Variants in NAALAD2 observed in about 807,000 individuals in gnomAD.
NAALAD2 encodes the protein N-acetylated-alpha-linked acidic dipeptidase 2.
A neutral mutation model predicts 95.6 loss-of-function variants in NAALAD2; 89 were observed. The ratio of observed to expected loss-of-function variants is 0.93; its 90% CI spans 0.78 to 1.11. The LOEUF (loss-of-function observed/expected upper bound fraction) is 1.11, where lower values mean the gene tolerates loss of function less well. Ranked by LOEUF, NAALAD2 falls within the 50% of genes least tolerant of loss-of-function variation. The pLI, the probability that NAALAD2 is intolerant of heterozygous loss-of-function variation, is 0.00. For synonymous variants in NAALAD2, 264 were observed against 294.4 expected, an observed-to-expected ratio of 0.90 and a Z score of 1.06; for missense variants, 894 against 872.4, an observed-to-expected ratio of 1.02 and a Z score of -0.31.
Position 90,152,289 on chromosome 11 carries a change from C to T in NAALAD2, c.610-9C>T, listed in dbSNP as rs372480635. Reference sequence around the variant, plus strand: ...TATCTGCATTATGAATTGCACATTGCCCCTGCAGGTTAAAAATGCCATGTT... The same window carrying T: ...TATCTGCATTATGAATTGCACATTGTCCCTGCAGGTTAAAAATGCCATGTT... On this transcript the variant is annotated splice_polypyrimidine_tract_variant and intron_variant, in intron 5 of 18. Coordinates refer to ENST00000534061, the MANE Select transcript of NAALAD2 (RefSeq NM_005467.4). 5 of 1,582,092 alleles carry T rather than the reference C, an allele frequency of 3.2e-6. No individual in the cohort carries two copies. Among genetic ancestry groups the T allele is most frequent in the East Asian group, 2.3e-5 (1 of 44,288 alleles).
chr11:90,135,283 G>C, intron 1 of NAALAD2: 1 of 335,716 alleles, frequency 3.0e-6, no homozygotes, highest in Non-Finnish European at 5.4e-6. Flanking sequence ...GAGATCCAGG[G>C]AAGAACAACA....
chr11:90,159,200 T>A (rs1353231144), intron 7 of NAALAD2, 39 bp from the exon 8 acceptor site: 2 of 1,425,642 alleles, frequency 1.4e-6, no homozygotes, highest in Non-Finnish European at 2.0e-6. Flanking sequence ...TTAGAAATTG[T>A]GGTAGCCTTT....
intron 8 of NAALAD2, chr11:90,162,432 A>C (rs910703425): frequency 2.0e-5 from 3 of 152,114 alleles, no homozygotes; most frequent in African/African-American, 7.2e-5. Context: ...GGTGGCACTC[A>C]ACCAGCTCTT....
rs1951856943 is a variant in NAALAD2, at chr11:90,150,425, TTG to T, written c.484-55_484-54del. ...TAGTATTGTGAAGCAAACTTATTTTTTGTTTTTTTTTTTCTTTAATTTTAGCA... is the reference window on the plus strand; with the variant it reads ...TAGTATTGTGAAGCAAACTTATTTTTTTTTTTTTTTTCTTTAATTTTAGCA... On this transcript the variant is annotated intron_variant, in intron 4 of 18. Transcript: ENST00000534061. 3.4e-5 allele frequency: 41 copies of T among 1,212,666 alleles called. No homozygotes were observed. In the South Asian group the frequency reaches 6.0e-4, roughly 18 times the overall value. The allele number at this position is 1,212,666 out of a possible 1,614,324, so 75.1% of individuals were successfully genotyped here.
intron 3 of NAALAD2, 124 bp downstream of exon 3, chr11:90,147,640 C>T (rs757481833): frequency 3.5e-6 from 3 of 868,094 alleles, no homozygotes; most frequent in Non-Finnish European, 3.5e-6. Flanking sequence ...ACTATGTGTT[C>T]GACATGGTGT....
chr11:90,155,352 T>TAATATA (rs1212176223), intron 6 of NAALAD2, among the ~76,000 whole-genome samples: 2,898 of 105,696 alleles, frequency 0.027, 86 homozygotes, highest in East Asian at 0.076. Flanking sequence ...ATATTATATA[T>TAATATA]TACATGTATA....
At chr11:90,179,609 TAAG>T (rs1291051693) in intron 16 of NAALAD2, among the ~76,000 whole-genome samples, 3 of 152,006 alleles carry the variant, frequency 2.0e-5, no homozygotes, top group Non-Finnish European at 2.9e-5. Context: ...ATGGGGGAAA[TAAG>T]GAGAGATAAA....
intron 4 of NAALAD2, 35 bp from the exon 5 acceptor site, chr11:90,150,447 T>A: frequency 7.4e-7 from 1 of 1,359,100 alleles, no homozygotes; most frequent in Non-Finnish European, 1.0e-6. Context: ...TTCTTTAATT[T>A]TAGCAGTATT....
intron 11 of NAALAD2, 108 bp from the exon 12 acceptor site, chr11:90,168,821 G>C: frequency 1.2e-6 from 1 of 853,512 alleles, no homozygotes; most frequent in Non-Finnish European, 1.9e-6. Context: ...CTATTTAATT[G>C]TGAAAGATAC....
chr11:90,192,649 G>A lies in NAALAD2; in HGVS notation c.*902G>A, dbSNP rs942747509. On this transcript the variant is annotated 3_prime_UTR_variant, in exon 19 of 19. Coordinates refer to ENST00000534061, the MANE Select transcript of NAALAD2 (RefSeq NM_005467.4). ...ACCAGAATCATATACCTTCTCTTGTGAAATCACCATGAAGTGTGAATGGTC... is the reference window on the plus strand; with the variant it reads ...ACCAGAATCATATACCTTCTCTTGTAAAATCACCATGAAGTGTGAATGGTC... 2 of 151,980 alleles carry A rather than the reference G, an allele frequency of 1.3e-5. No individual in the cohort carries two copies. Among genetic ancestry groups the A allele is most frequent in the African/African-American group, 4.8e-5 (2 of 41,426 alleles). 9.4% of individuals were successfully genotyped at this position (151,980 alleles called of 1,614,324 possible).
chr11:90,181,155 T>C (rs1434474243), intron 16 of NAALAD2, among the ~76,000 whole-genome samples: 1 of 152,126 alleles, frequency 6.6e-6, no homozygotes, highest in Non-Finnish European at 1.5e-5. Context: ...ATCCTCTTTC[T>C]CAGTATCTGG....
intron 12 of NAALAD2, 36 bp downstream of exon 12, chr11:90,169,028 A>G: frequency 6.6e-7 from 1 of 1,505,178 alleles, no homozygotes; most frequent in Non-Finnish European, 9.1e-7. Flanking sequence ...AAATTTTCAG[A>G]AAGGAAATTT....
chr11:90,179,214 T>G (rs2134975773), intron 16 of NAALAD2, among the ~76,000 whole-genome samples: 1 of 152,316 alleles, frequency 6.6e-6, no homozygotes, highest in Non-Finnish European at 1.5e-5. Flanking sequence ...CTTTTATTAT[T>G]CTGGGGGCAC....
intron 17 of NAALAD2, among the ~76,000 whole-genome samples, 197 bp from the exon 18 acceptor site, chr11:90,182,719 T>C (rs1953009552): frequency 6.6e-6 from 1 of 152,178 alleles, no homozygotes; most frequent in Non-Finnish European, 1.5e-5. Flanking sequence ...TAGGTCTCTC[T>C]GCTGACTGTA....
At chr11:90,184,870 AAATG>A (rs1201136695) in intron 18 of NAALAD2, among the ~76,000 whole-genome samples, 3 of 152,186 alleles carry the variant, frequency 2.0e-5, no homozygotes, top group African/African-American at 7.2e-5. Context: ...TTTGAAAAAA[AAATG>A]AATGGTTGTG....
chr11:90,152,558 C>A, intron 6 of NAALAD2, 74 bp downstream of exon 6: 1 of 1,179,790 alleles, frequency 8.5e-7, no homozygotes, highest in South Asian at 1.7e-5. Flanking sequence ...TACAAGCAAG[C>A]ATGTTCAGAA....
In NAALAD2 at chr11:90,158,233, A is replaced by T; in HGVS notation, c.885A>T (p.Leu295Phe). 1 of 1,603,082 alleles carries T rather than the reference A, an allele frequency of 6.2e-7. No homozygotes were observed. Among genetic ancestry groups the T allele is most frequent in the Middle Eastern group, 1.7e-4 (1 of 6,038 alleles). Residue 295 changes from leucine (L) to phenylalanine (F), a missense_variant, in exon 7 of 19, where the codon TTA becomes TTT. Physicochemically the swap from Leu to Phe is conservative, Grantham distance 22. Coordinates refer to ENST00000534061, the MANE Select transcript of NAALAD2 (RefSeq NM_005467.4). ...HPIGYNDAEILLRYLGGIAPP... is the reference protein window; with the variant it reads ...HPIGYNDAEIFLRYLGGIAPP... ...TTGGATATAATGATGCAGAAATATT[A>T]TTACGGTATAGTTTTCTTGTTGGAT...
chr11:90,137,452 G>A (rs1003032950), intron 2 of NAALAD2, among the ~76,000 whole-genome samples: 2 of 152,176 alleles, frequency 1.3e-5, no homozygotes, highest in African/African-American at 2.4e-5. Flanking sequence ...TTGTATGCTT[G>A]TATCAAGATA....
chr11:90,162,862 A>T lies in NAALAD2; in HGVS notation c.990-87A>T, dbSNP rs928896660. The T allele has an allele frequency of 1.4e-5, 10 of 728,812 alleles. No homozygotes were observed. In the African/African-American group the frequency reaches 1.9e-4, roughly 14 times the overall value. 45.1% of individuals were successfully genotyped at this position (728,812 alleles called of 1,614,324 possible). ...ATTGCACAGCTTTTCATAATAAAAC[A>T]CTATTATGAAAATAGTTTTTTATAA... is the stretch of plus-strand genomic sequence containing the variant. On this transcript the variant is annotated intron_variant, in intron 8 of 18. Coordinates refer to ENST00000534061, the MANE Select transcript of NAALAD2 (RefSeq NM_005467.4).
Sources: gnomAD v4.1 joint callset for allele counts (sites outside exome capture counted in the v4.1 genomes callset) on GRCh38, gnomAD v4.1.1 for gene constraint, MANE v1.5 for transcripts, NCBI Gene and HGNC (gene_info 2026-07-23, HGNC 2026-07-21) for gene names.